The following RIMBP2 variants were observed in gnomAD, a reference collection of about 807,000 sequenced individuals.
RIMBP2 encodes the protein RIMS-binding protein 2.
A neutral mutation model predicts 118.6 loss-of-function variants in RIMBP2; 48 were observed. The ratio of observed to expected loss-of-function variants is 0.40; its 90% CI spans 0.32 to 0.51. The LOEUF (loss-of-function observed/expected upper bound fraction) is 0.51. RIMBP2 is among the 20% of genes least tolerant of loss of function. The pLI, the probability that RIMBP2 is intolerant of heterozygous loss-of-function variation, is 0.41. For synonymous variants in RIMBP2, 762 were observed against 742.9 expected (o/e 1.03, Z -0.42); for missense variants, 1,551 against 1,768.3 (o/e 0.88, Z 2.20).
intron 2 of RIMBP2, among the ~76,000 whole-genome samples, chr12:130,586,605 T>C (rs1389767190): frequency 6.7e-6 from 1 of 149,674 alleles, no homozygotes; most frequent in African/African-American, 2.5e-5. Flanking sequence ...TAAATGGTGC[T>C]GGGAAAACTG....
chr12:130,612,797 A>G (rs547177745), intron 2 of RIMBP2, among the ~76,000 whole-genome samples: 5 of 152,184 alleles, frequency 3.3e-5, no homozygotes, highest in Admixed American at 3.3e-4. Context: ...CTGGGCTTAG[A>G]CCCCATCCGG....
chr12:130,397,333 A>C lies in RIMBP2; in HGVS notation c.*28T>G, dbSNP rs2074140378. ...TTTGGAATTAAAGAAAATTACATAG[A>C]TTTGGCAGTTGTCCGGAAGCACATG... is the stretch of plus-strand genomic sequence containing the variant. On this transcript the variant is annotated 3_prime_UTR_variant, in exon 23 of 23. Coordinates refer to ENST00000690449, the MANE Select transcript of RIMBP2 (RefSeq NM_001393629.1). The C allele has an allele frequency of 2.5e-6, 1 of 398,790 alleles. No homozygotes were observed. Among genetic ancestry groups the C allele is most frequent in the African/African-American group, 2.1e-5 (1 of 48,620 alleles). 24.7% of individuals were successfully genotyped at this position (398,790 alleles called of 1,614,324 possible).
intron 15 of RIMBP2, 139 bp downstream of exon 15, chr12:130,428,036 GAGAA>G (rs1262649950): frequency 1.4e-6 from 1 of 717,578 alleles, no homozygotes; most frequent in African/African-American, 1.8e-5. Context: ...ATTCAATAGT[GAGAA>G]AGAAGCGAAT....
chr12:130,677,941 C>T (rs1347439481), intron 1 of RIMBP2, among the ~76,000 whole-genome samples: 2 of 152,270 alleles, frequency 1.3e-5, no homozygotes, highest in Non-Finnish European at 2.9e-5. Context: ...GAAGGCACCC[C>T]TCCTCCACCT....
chr12:130,666,863 G>A (rs2063940674), intron 1 of RIMBP2, among the ~76,000 whole-genome samples: 1 of 137,614 alleles, frequency 7.3e-6, no homozygotes, highest in African/African-American at 2.7e-5. Flanking sequence ...AGGAAAGGAG[G>A]GAGGGAGAGA....
At chr12:130,468,447 A>G (rs2080702913) in intron 6 of RIMBP2, among the ~76,000 whole-genome samples, 1 of 152,030 alleles carries the variant, frequency 6.6e-6, no homozygotes, top group Admixed American at 6.5e-5. Flanking sequence ...TGCCCCGGGG[A>G]ACCCACTTAG....
chr12:130,497,308 T>C (rs1022432483), intron 4 of RIMBP2, among the ~76,000 whole-genome samples: 30 of 152,194 alleles, frequency 2.0e-4, no homozygotes, highest in Non-Finnish European at 8.8e-5. Flanking sequence ...TCACCTGCCT[T>C]CTGCTCCCTG....
chr12:130,410,817 G>T (rs1035309038), intron 19 of RIMBP2, among the ~76,000 whole-genome samples: 2 of 152,124 alleles, frequency 1.3e-5, no homozygotes, highest in Non-Finnish European at 2.9e-5. Context: ...TCTTGTTCTT[G>T]TTAAAAATAG....
intron 6 of RIMBP2, among the ~76,000 whole-genome samples, chr12:130,463,173 G>A (rs2080158193): frequency 6.6e-6 from 1 of 152,224 alleles, no homozygotes; most frequent in Non-Finnish European, 1.5e-5. Flanking sequence ...GCCCCAGGCA[G>A]GCGCATTTAC....
chr12:130,604,501 AC>A (rs2060055203), intron 2 of RIMBP2, among the ~76,000 whole-genome samples: 3 of 63,644 alleles, frequency 4.7e-5, no homozygotes, highest in Non-Finnish European at 9.5e-5. Context: ...TCACTCACTC[AC>A]TCACTCACTC....
rs111862178 is a variant in RIMBP2, at chr12:130,646,341, C to G, written c.-351-17885G>C. Among the ~76,000 whole-genome samples the G allele has an allele frequency of 5.0e-4, 58 of 114,918 alleles. 12 individuals are homozygous for G. The highest frequency in any genetic ancestry group is 3.9e-3 in the Middle Eastern group (1 of 254). The allele number at this position is 114,918 out of a possible 152,430, so 75.4% of individuals were successfully genotyped here. A position where few individuals can be genotyped will look rare whatever the true frequency, so the allele number is the denominator to read the frequency against. On this transcript the variant is annotated intron_variant, in intron 1 of 22. Coordinates refer to ENST00000690449, the MANE Select transcript of RIMBP2 (RefSeq NM_001393629.1). Reference sequence around the variant, plus strand: ...TCCCTCTCCACCTGCCTCACCACCTCCCTCACCACCTCCCTCACCACCTCC... The same window carrying G: ...TCCCTCTCCACCTGCCTCACCACCTGCCTCACCACCTCCCTCACCACCTCC...
intron 1 of RIMBP2, among the ~76,000 whole-genome samples, chr12:130,704,081 T>C (rs1422165111): frequency 6.6e-6 from 1 of 152,138 alleles, no homozygotes; most frequent in Non-Finnish European, 1.5e-5. Flanking sequence ...CAGTTTCATC[T>C]GGAAAGCAGC....
intron 4 of RIMBP2, among the ~76,000 whole-genome samples, chr12:130,480,674 C>T (rs1566115113): frequency 6.6e-6 from 1 of 151,954 alleles, no homozygotes; most frequent in African/African-American, 2.4e-5. Flanking sequence ...GATCTTGGCT[C>T]ACTGCAGCCT....
intron 4 of RIMBP2, among the ~76,000 whole-genome samples, chr12:130,498,387 AT>A (rs1320262264): frequency 1.3e-5 from 2 of 152,222 alleles, no homozygotes; most frequent in Non-Finnish European, 2.9e-5. Context: ...TATATGCCAG[AT>A]TTTGTGCTGG....
intron 2 of RIMBP2, among the ~76,000 whole-genome samples, chr12:130,519,508 T>C (rs1218669237): frequency 1.3e-5 from 2 of 152,204 alleles, no homozygotes; most frequent in African/African-American, 2.4e-5. Context: ...TGGCATAACA[T>C]TTATTGTTGC....
chr12:130,692,343 T>G (rs2065347683), intron 1 of RIMBP2, among the ~76,000 whole-genome samples: 1 of 151,924 alleles, frequency 6.6e-6, no homozygotes, highest in Non-Finnish European at 1.5e-5. Flanking sequence ...ACCCCTTCCC[T>G]CTCCTCCCAC....
At chr12:130,493,320 T>C (rs1398534897) in intron 4 of RIMBP2, among the ~76,000 whole-genome samples, 3 of 152,148 alleles carry the variant, frequency 2.0e-5, no homozygotes, top group Non-Finnish European at 4.4e-5. Context: ...TTTGTTCGTT[T>C]TGTTTTGTTT....
At chr12:130,535,750 T>TAC (rs1566218209) in intron 2 of RIMBP2, among the ~76,000 whole-genome samples, 1 of 34,886 alleles carries the variant, frequency 2.9e-5, no homozygotes, top group Non-Finnish European at 7.4e-5. Flanking sequence ...TATATATATA[T>TAC]ATATATATAT....
At chr12:130,568,141 G>T (rs1481916630) in intron 2 of RIMBP2, among the ~76,000 whole-genome samples, 1 of 152,178 alleles carries the variant, frequency 6.6e-6, no homozygotes, top group Non-Finnish European at 1.5e-5. Flanking sequence ...ACGGCCTTTG[G>T]CAGTCTTAAG....
Sources: gnomAD v4.1 joint callset for allele counts (sites outside exome capture counted in the v4.1 genomes callset) on GRCh38, gnomAD v4.1.1 for gene constraint, MANE v1.5 for transcripts, NCBI Gene and HGNC (gene_info 2026-07-23, HGNC 2026-07-21) for gene names.